The following KIAA0930 variants were observed in gnomAD, a reference collection of about 807,000 sequenced individuals.
KIAA0930 encodes uncharacterized protein KIAA0930.
A neutral mutation model predicts 43.9 loss-of-function variants in KIAA0930; 24 were observed. The ratio of observed to expected loss-of-function variants is 0.55; its 90% CI spans 0.40 to 0.77. The LOEUF (loss-of-function observed/expected upper bound fraction) is 0.77. KIAA0930 is among the 30% of genes least tolerant of loss of function. The pLI is 0.00. For missense variants in KIAA0930, 461 were observed against 574.2 expected (o/e 0.80, Z 2.02); for synonymous variants, 259 against 216.4 (o/e 1.20, Z -1.73).
At chr22:45,208,906 G>T (rs537327742) in intron 2 of KIAA0930, among the ~76,000 whole-genome samples, 1 of 152,182 alleles carries the variant, frequency 6.6e-6, no homozygotes, top group African/African-American at 2.4e-5. Context: ...GTGACCGTGA[G>T]ACACAGGGCT....
At chr22:45,205,946 G>A in intron 2 of KIAA0930, 34 bp from the exon 3 acceptor site, 2 of 1,607,916 alleles carry the variant, frequency 1.2e-6, no homozygotes, top group African/African-American at 1.3e-5. Context: ...AGTGCCCAGG[G>A]CCCACTGTGG....
At chr22:45,227,475 T>G (rs1182683633) in intron 1 of KIAA0930, among the ~76,000 whole-genome samples, 1 of 152,138 alleles carries the variant, frequency 6.6e-6, no homozygotes, top group African/African-American at 2.4e-5. Context: ...AGGGATATGT[T>G]TGAGCATGAG....
At position 45,197,831 on chromosome 22, in the gene KIAA0930, T is replaced by C; in HGVS notation, c.1133A>G (p.His378Arg). The change falls in exon 9 of 10, where the codon CAC (histidine) becomes CGC (arginine). Residue 378 changes from histidine (H) to arginine (R), a missense_variant. Coordinates refer to ENST00000336156, the MANE Select transcript of KIAA0930 (RefSeq NM_001009880.2). The part of the protein sequence containing the change: ...RADGNFLLYA[H>R]LTYVTLPLHR... ...CAGCGGCAACGTGACGTAGGTTAAG[T>C]GTGCATAGAGAAGGAAGTTTCCATC... 1.2e-6 allele frequency: 2 copies of C among 1,614,142 alleles called. No homozygotes were observed. Among genetic ancestry groups the C allele is most frequent in the Non-Finnish European group, 8.5e-7 (1 of 1,180,024 alleles).
At chr22:45,203,371 G>A (rs2083607092) in intron 6 of KIAA0930, among the ~76,000 whole-genome samples, 187 bp from the exon 7 acceptor site, 1 of 152,164 alleles carries the variant, frequency 6.6e-6, no homozygotes, top group Non-Finnish European at 1.5e-5. Flanking sequence ...CCCTCCTGGT[G>A]CCCCTCCCAC....
chr22:45,218,366 T>G (rs1007096593), intron 1 of KIAA0930, among the ~76,000 whole-genome samples: 1 of 115,736 alleles, frequency 8.6e-6, no homozygotes, highest in Non-Finnish European at 1.7e-5. Flanking sequence ...TTTTTTTTAG[T>G]AGAGACAGGG....
rs575606111 is a variant in KIAA0930, at chr22:45,212,003, G to A, written c.169C>T (p.Arg57Trp). 28 of 1,613,402 alleles carry A rather than the reference G, an allele frequency of 1.7e-5. No individual in the cohort carries two copies. In the East Asian group the frequency reaches 2.0e-4, roughly 12 times the overall value. The change falls in exon 2 of 10, where the codon CGG (arginine) becomes TGG (tryptophan). Residue 57 changes from arginine (R) to tryptophan (W), a missense_variant. Physicochemically the swap from Arg to Trp is moderately radical, Grantham distance 101. Transcript: ENST00000336156. ...TCGCTGCCGGAGTACGCCAGCTTCC[G>A]GCGCACATAGAAAAGCATGTCGTCC... is the stretch of plus-strand genomic sequence containing the variant. The part of the protein sequence containing the change: ...RQDDMLFYVR[R>W]KLAYSGSESG...
intron 1 of KIAA0930, among the ~76,000 whole-genome samples, chr22:45,238,007 G>A (rs1326930413): frequency 1.3e-5 from 2 of 150,534 alleles, no homozygotes; most frequent in Admixed American, 6.6e-5. Flanking sequence ...TGCAACCTCC[G>A]CCTCCCGGGT....
At chr22:45,220,684 G>A (rs1363069499) in intron 1 of KIAA0930, among the ~76,000 whole-genome samples, 3 of 152,068 alleles carry the variant, frequency 2.0e-5, no homozygotes, top group East Asian at 1.9e-4. Context: ...AGCCTCAAGC[G>A]ATCCTCCCAC....
intron 5 of KIAA0930, among the ~76,000 whole-genome samples, 183 bp downstream of exon 5, chr22:45,205,034 G>A (rs1365240917): frequency 1.3e-5 from 2 of 152,132 alleles, no homozygotes; most frequent in African/African-American, 4.8e-5. Context: ...GGCTGCGCCG[G>A]GGAAATTCAC....
chr22:45,197,106 G>A lies in KIAA0930; in HGVS notation c.*70C>T. On this transcript the variant is annotated 3_prime_UTR_variant, in exon 10 of 10. Transcript: ENST00000336156. ...GCCATCGCAGACCCCGGTGGCGGTG[G>A]ACAGGTAGGCACTTGGCAGCACTCC... is the stretch of plus-strand genomic sequence containing the variant. 2.3e-6 allele frequency: 3 copies of A among 1,321,906 alleles called. No individual in the cohort carries two copies. Among genetic ancestry groups the A allele is most frequent in the Admixed American group, 2.6e-5 (1 of 37,778 alleles). The allele number at this position is 1,321,906 out of a possible 1,614,324, so 81.9% of individuals were successfully genotyped here.
Position 45,217,485 on chromosome 22 carries a change from C to A in KIAA0930, c.65-5378G>T, listed in dbSNP as rs144086756. Reference sequence around the variant, plus strand: ...AGCTTCTCTAACACATGTATTTTCTCCATAAAGTACATCACAGCCATCTTG... The same window carrying A: ...AGCTTCTCTAACACATGTATTTTCTACATAAAGTACATCACAGCCATCTTG... On this transcript the variant is annotated intron_variant, in intron 1 of 9. Coordinates refer to ENST00000336156, the MANE Select transcript of KIAA0930 (RefSeq NM_001009880.2). Among the ~76,000 whole-genome samples the A allele has an allele frequency of 2.9e-3, 434 of 151,900 alleles. 5 individuals carry two copies. Among genetic ancestry groups the A allele is most frequent in the African/African-American group, 9.8e-3 (406 of 41,464 alleles).
chr22:45,203,113 C>G lies in KIAA0930; in HGVS notation c.729G>C (p.Val243=). ...CCTTGCCCTGGGGGCCCTTCATGCG[C>G]ACAAACTCCATGTTGCTGTACTTGT... ...GFYKYSNMEF[V]RMKGPQGKGH... is the part of the protein sequence containing the mutation. Residue 243 remains valine, a synonymous_variant, in exon 7 of 10, where the codon GTG becomes GTC. Transcript: ENST00000336156. 6.2e-7 allele frequency: 1 copy of G among 1,613,818 alleles called. No homozygotes were observed. The highest frequency in any genetic ancestry group is 1.1e-5 in the South Asian group (1 of 91,044).
intron 7 of KIAA0930, among the ~76,000 whole-genome samples, chr22:45,201,887 G>A (rs1264482489): frequency 2.0e-5 from 3 of 152,168 alleles, no homozygotes; most frequent in African/African-American, 4.8e-5. Context: ...GTAATGCATC[G>A]TTTACATTCC....
intron 1 of KIAA0930, among the ~76,000 whole-genome samples, chr22:45,221,701 A>G (rs1051014233): frequency 6.6e-6 from 1 of 152,234 alleles, no homozygotes; most frequent in African/African-American, 2.4e-5. Context: ...CAAAAACACA[A>G]AACTCAAACA....
chr22:45,201,356 C>T (rs531924970), intron 7 of KIAA0930, among the ~76,000 whole-genome samples: 1 of 152,326 alleles, frequency 6.6e-6, no homozygotes, highest in Admixed American at 6.5e-5. Flanking sequence ...AATCCCAGGG[C>T]TGCCCAGCTG....
intron 1 of KIAA0930, among the ~76,000 whole-genome samples, chr22:45,237,138 A>T (rs554787506): frequency 1.7e-3 from 253 of 152,350 alleles, no homozygotes; most frequent in Middle Eastern, 3.4e-3. Flanking sequence ...CTTCAGTCCA[A>T]ATGTCTGCAT....
intron 1 of KIAA0930, among the ~76,000 whole-genome samples, chr22:45,225,635 G>A (rs1031829781): frequency 3.3e-5 from 5 of 152,078 alleles, no homozygotes; most frequent in African/African-American, 7.2e-5. Context: ...CAAGCACGGC[G>A]CCCATTCCAA....
At chr22:45,231,569 A>G (rs2083853804) in intron 1 of KIAA0930, among the ~76,000 whole-genome samples, 1 of 152,180 alleles carries the variant, frequency 6.6e-6, no homozygotes. Flanking sequence ...AGCTCCCAAG[A>G]GTCAGATCAA....
intron 1 of KIAA0930, chr22:45,235,141 A>C (rs1039205374): frequency 6.6e-6 from 1 of 152,230 alleles, no homozygotes; most frequent in Non-Finnish European, 1.5e-5. Flanking sequence ...GAGACCCAGG[A>C]CAGTGAGGGG....
Sources: gnomAD v4.1 joint callset for allele counts (sites outside exome capture counted in the v4.1 genomes callset) on GRCh38, gnomAD v4.1.1 for gene constraint, MANE v1.5 for transcripts, NCBI Gene and HGNC (gene_info 2026-07-23, HGNC 2026-07-21) for gene names.